Variants in ZFPM1 observed in about 807,000 individuals in gnomAD.
The protein encoded by ZFPM1 is zinc finger protein, FOG family member 1.
In ZFPM1, 28 loss-of-function variants were observed where a neutral mutation model predicts 46.3. The ratio of observed to expected loss-of-function variants is 0.60; its 90% CI spans 0.45 to 0.83. The LOEUF (loss-of-function observed/expected upper bound fraction) is 0.83. ZFPM1 is among the 40% of genes least tolerant of loss of function. ZFPM1 has a pLI of 0.00. For synonymous variants in ZFPM1, 957 were observed against 675.9 expected (o/e 1.42, Z -6.45); for missense variants, 1,878 against 1,432.4 (o/e 1.31, Z -5.02).
intron 1 of ZFPM1, among the ~76,000 whole-genome samples, chr16:88,482,480 G>A (rs1321976463): frequency 6.6e-6 from 1 of 152,184 alleles, no homozygotes; most frequent in Admixed American, 6.5e-5. Context: ...CATCACCACG[G>A]CTTTGTGTGG....
chr16:88,492,756 G>A (rs1909650615), intron 3 of ZFPM1, among the ~76,000 whole-genome samples: 1 of 152,200 alleles, frequency 6.6e-6, no homozygotes, highest in African/African-American at 2.4e-5. Context: ...CAGCCAGGCT[G>A]CCCTGTCCCT....
chr16:88,461,373 A>G (rs1004183266), intron 1 of ZFPM1, among the ~76,000 whole-genome samples: 21 of 152,154 alleles, frequency 1.4e-4, no homozygotes, highest in African/African-American at 5.1e-4. Context: ...CTGCACCCTC[A>G]GGGCTCCGGG....
chr16:88,452,929 G>A (rs527610260), upstream of ZFPM1, among the ~76,000 whole-genome samples: 10 of 152,318 alleles, frequency 6.6e-5, 1 homozygote, highest in South Asian at 1.4e-3. Context: ...AGGAGTGGGG[G>A]AGGCTAGAGG....
rs146622390 is a variant in ZFPM1 at position 88,491,145 on chromosome 16, G to A, written c.268+1992G>A. On this transcript the variant is annotated intron_variant, in intron 3 of 9. Coordinates refer to ENST00000319555, the MANE Select transcript of ZFPM1 (RefSeq NM_153813.3). ...TGCTGGTGCCTCAGGCCTTCGCTGCGGAGTCAGCATGACAGGGAGGCCTTT... is the reference window on the plus strand; with the variant it reads ...TGCTGGTGCCTCAGGCCTTCGCTGCAGAGTCAGCATGACAGGGAGGCCTTT... 7.8e-4 allele frequency among the ~76,000 whole-genome samples: 118 copies of A among 151,600 alleles called. 1 individual carries two copies. In the East Asian group the frequency reaches 0.016, roughly 21 times the overall value.
intron 6 of ZFPM1, among the ~76,000 whole-genome samples, chr16:88,530,164 C>T (rs988207556): frequency 2.0e-5 from 3 of 152,134 alleles, no homozygotes; most frequent in African/African-American, 2.4e-5. Flanking sequence ...TCGGGGTGCC[C>T]GGGAGACCCA....
At chr16:88,481,874 T>C (rs2142367141) in intron 1 of ZFPM1, among the ~76,000 whole-genome samples, 1 of 152,290 alleles carries the variant, frequency 6.6e-6, no homozygotes, top group East Asian at 1.9e-4. Flanking sequence ...CTTGCCCATT[T>C]CTCAAAACCT....
At chr16:88,470,308 C>T (rs891828476) in intron 1 of ZFPM1, among the ~76,000 whole-genome samples, 4 of 152,168 alleles carry the variant, frequency 2.6e-5, no homozygotes, top group African/African-American at 9.6e-5. Context: ...TGGATGCCCA[C>T]GGGTGTCCCC....
Position 88,516,846 on chromosome 16 carries a change from G to A in ZFPM1, c.402+2326G>A, listed in dbSNP as rs1261979618. 3.9e-5 allele frequency among the ~76,000 whole-genome samples: 6 copies of A among 152,282 alleles called. No individual in the cohort carries two copies. In the East Asian group the frequency reaches 7.7e-4, roughly 20 times the overall value. On this transcript the variant is annotated intron_variant, in intron 4 of 9. Transcript: ENST00000319555. ...CAGATGCGATGCTGTGACCCTCCCC[G>A]CTGGCCTCCACAGGCCTGGGGCTTG...
chr16:88,505,307 G>A (rs1323532696), intron 3 of ZFPM1, among the ~76,000 whole-genome samples: 3 of 152,090 alleles, frequency 2.0e-5, no homozygotes, highest in African/African-American at 4.8e-5. Flanking sequence ...GGGCCTCGGC[G>A]AGGAGGCCAG....
chr16:88,524,993 G>A (rs992854891), intron 4 of ZFPM1, among the ~76,000 whole-genome samples: 8 of 152,244 alleles, frequency 5.3e-5, no homozygotes, highest in South Asian at 2.1e-4. Flanking sequence ...TGGCTGAGCC[G>A]TGTGGTAGCA....
At chr16:88,485,854 G>A in intron 1 of ZFPM1, 85 bp from the exon 2 acceptor site, 1 of 1,321,764 alleles carries the variant, frequency 7.6e-7, no homozygotes, top group South Asian at 1.2e-5. Flanking sequence ...TGGGCACCGG[G>A]GCTGTACCTA....
chr16:88,514,855 G>A (rs1382301290), intron 4 of ZFPM1, among the ~76,000 whole-genome samples: 2 of 152,200 alleles, frequency 1.3e-5, no homozygotes, highest in Non-Finnish European at 2.9e-5. Context: ...CAGGCCTTGG[G>A]GTACTGGGAC....
chr16:88,520,591 A>ATGATTAGGTGGGT (rs1567550047), intron 4 of ZFPM1, among the ~76,000 whole-genome samples: 1 of 66,414 alleles, frequency 1.5e-5, no homozygotes, highest in African/African-American at 7.8e-5. Flanking sequence ...GATGGATGGG[A>ATGATTAGGTGGGT]GGGTGAGTGG....
chr16:88,479,010 G>C (rs1258647747), intron 1 of ZFPM1, among the ~76,000 whole-genome samples: 3 of 152,216 alleles, frequency 2.0e-5, no homozygotes, highest in Admixed American at 6.5e-5. Flanking sequence ...GGGCTCCCCA[G>C]TGGGTAGGTG....
intron 1 of ZFPM1, among the ~76,000 whole-genome samples, chr16:88,483,175 G>A (rs551692505): frequency 2.0e-4 from 30 of 152,184 alleles, no homozygotes; most frequent in South Asian, 4.2e-4. Flanking sequence ...TGAGGAGGCC[G>A]GGACTCATGG....
rs1002891623 is a variant in ZFPM1 at position 88,532,203 on chromosome 16, G to T, written c.914G>T (p.Ser305Ile). Reference sequence around the variant, plus strand: ...TGCCGCAAGAGCTGCCCCAGCGCCAGCTCCCTGGAGATCCACATGCGCAGC... The same window carrying T: ...TGCCGCAAGAGCTGCCCCAGCGCCATCTCCCTGGAGATCCACATGCGCAGC... ...PQCRKSCPSA[S>I]SLEIHMRSHS... is the part of the protein sequence containing the mutation. Residue 305 changes from serine to isoleucine, a missense_variant, in exon 7 of 10, where the codon AGC becomes ATC. Transcript: ENST00000319555. 2.5e-6 allele frequency: 4 copies of T among 1,608,886 alleles called. No individual in the cohort carries two copies. The highest frequency in any genetic ancestry group is 3.4e-6 in the Non-Finnish European group (4 of 1,177,118).
At chr16:88,460,617 G>T (rs1446099773) in intron 1 of ZFPM1, among the ~76,000 whole-genome samples, 1 of 152,228 alleles carries the variant, frequency 6.6e-6, no homozygotes, top group African/African-American at 2.4e-5. Flanking sequence ...AGGATGGAGG[G>T]TGTGGCTCTC....
At chr16:88,483,074 C>T (rs1417848496) in intron 1 of ZFPM1, among the ~76,000 whole-genome samples, 1 of 152,154 alleles carries the variant, frequency 6.6e-6, no homozygotes, top group Non-Finnish European at 1.5e-5. Context: ...CGTGTGGGCG[C>T]TTTAATGGGA....
intron 6 of ZFPM1, 93 bp downstream of exon 6, chr16:88,528,331 G>C (rs560279383): frequency 7.4e-7 from 1 of 1,342,464 alleles, no homozygotes; most frequent in Non-Finnish European, 1.0e-6. Context: ...TGGGAAGCTC[G>C]GGGGCTGCAG....
Sources: gnomAD v4.1 joint callset for allele counts (sites outside exome capture counted in the v4.1 genomes callset) on GRCh38, gnomAD v4.1.1 for gene constraint, MANE v1.5 for transcripts, NCBI Gene and HGNC (gene_info 2026-07-23, HGNC 2026-07-21) for gene names.